The following ECE1 variants were observed in gnomAD, a reference collection of about 807,000 sequenced individuals.
The protein encoded by ECE1 is endothelin-converting enzyme 1.
Under a neutral mutation model 98.6 loss-of-function variants are expected in ECE1, and 35 were observed. That is an observed-to-expected ratio of 0.35 (90% confidence interval 0.27 to 0.47). The LOEUF (loss-of-function observed/expected upper bound fraction) is 0.47, where lower values mean the gene tolerates loss of function less well. Ranked by LOEUF, ECE1 falls within the 20% of genes least tolerant of loss-of-function variation. The probability of loss-of-function intolerance (pLI) is 1.00; values close to 1 mark genes in which losing one functional copy is unlikely to be tolerated. For missense variants in ECE1, 814 were observed against 1,025.3 expected, an observed-to-expected ratio of 0.79 and a Z score of 2.81; for synonymous variants, 394 against 407.1, an observed-to-expected ratio of 0.97 and a Z score of 0.39.
At chr1:21,293,893 A>G (rs939160013), upstream of ECE1, 11 of 152,274 alleles carry the variant, frequency 7.2e-5, no homozygotes, top group African/African-American at 2.7e-4. Flanking sequence ...CAGACCAAAA[A>G]CCAACCATGC....
intron 1 of ECE1, among the ~76,000 whole-genome samples, chr1:21,342,186 C>T (rs1348894642): frequency 6.6e-6 from 1 of 152,154 alleles, no homozygotes; most frequent in Non-Finnish European, 1.5e-5. Context: ...CTCAACTCAG[C>T]CCCAGCTTGG....
chr1:21,233,328 C>T lies in ECE1; in HGVS notation c.1670+230G>A. 4.0e-6 allele frequency: 2 copies of T among 495,322 alleles called. No individual in the cohort carries two copies. Among genetic ancestry groups the T allele is most frequent in the South Asian group, 2.2e-5 (1 of 44,558 alleles). 30.7% of individuals were successfully genotyped at this position (495,322 alleles called of 1,614,324 possible). A position where few individuals can be genotyped will look rare whatever the true frequency, so the allele number is the denominator to read the frequency against. ...CGCTCCAGAGGCCAGGCTCACCCTGCCAACAGGCTGGGCAGGCTCAAGCCC... is the reference window on the plus strand; with the variant it reads ...CGCTCCAGAGGCCAGGCTCACCCTGTCAACAGGCTGGGCAGGCTCAAGCCC... On this transcript the variant is annotated intron_variant, in intron 14 of 18. Transcript: ENST00000374893. This position sits in a 1 kb window ranked among gnomAD's most constrained non-coding sequence, Gnocchi z 4.0.
chr1:21,279,060 C>A, intron 3 of ECE1, 131 bp downstream of exon 3: 2 of 1,501,778 alleles, frequency 1.3e-6, no homozygotes, highest in Non-Finnish European at 9.1e-7. Flanking sequence ...CACCCAGACC[C>A]CCCTGGGCCT....
At position 21,256,085 on chromosome 1, in the gene ECE1, G is replaced by C. The variant is rs776334883; in HGVS notation, c.882C>G (p.Gly294=). 6.2e-7 allele frequency: 1 copy of C among 1,609,740 alleles called. No individual in the cohort carries two copies. The highest frequency in any genetic ancestry group is 1.1e-5 in the South Asian group (1 of 91,006). Residue 294 remains glycine (G), a synonymous_variant, in exon 8 of 19, where the codon GGC becomes GGG. Coordinates refer to ENST00000374893, the MANE Select transcript of ECE1 (RefSeq NM_001397.3). ...YMVQLGKLLG[G]GDEEAIRPQM... ...GGGGCCGGATGGCCTCCTCGTCCCCGCCGCCCAGCAGCTTCCCCAGCTGGA... is the reference window on the plus strand; with the variant it reads ...GGGGCCGGATGGCCTCCTCGTCCCCCCCGCCCAGCAGCTTCCCCAGCTGGA...
chr1:21,272,987 G>T, intron 3 of ECE1, 76 bp from the exon 4 acceptor site: 1 of 1,529,068 alleles, frequency 6.5e-7, no homozygotes, highest in East Asian at 2.3e-5. Context: ...GGGGGCTTGG[G>T]GCCCAGGGGC....
intron 14 of ECE1, among the ~76,000 whole-genome samples, chr1:21,229,151 T>C (rs1007446391): frequency 9.9e-5 from 15 of 152,122 alleles, no homozygotes; most frequent in African/African-American, 3.4e-4. Context: ...AATGATTAAT[T>C]TCATTACATC....
Position 21,258,943 on chromosome 1 carries a change from C to A in ECE1, c.616-104G>T. The A allele has an allele frequency of 6.7e-7, 1 of 1,482,900 alleles. No homozygotes were observed. The highest frequency in any genetic ancestry group is 2.4e-5 in the East Asian group (1 of 41,446). The allele number at this position is 1,482,900 out of a possible 1,614,324, so 91.9% of individuals were successfully genotyped here. On this transcript the variant is annotated intron_variant, in intron 5 of 18. Coordinates refer to ENST00000374893, the MANE Select transcript of ECE1 (RefSeq NM_001397.3). This position sits in a 1 kb window ranked among gnomAD's most constrained non-coding sequence, Gnocchi z 4.2. ...TTGCTCTGTGACCCTGGAGCAGTCGCCTGACCTCTCTGAGCCTCAAGAGCA... is the reference window on the plus strand; with the variant it reads ...TTGCTCTGTGACCCTGGAGCAGTCGACTGACCTCTCTGAGCCTCAAGAGCA...
chr1:21,268,983 G>A (rs1225843903), intron 4 of ECE1, among the ~76,000 whole-genome samples: 2 of 152,258 alleles, frequency 1.3e-5, no homozygotes, highest in Non-Finnish European at 2.9e-5. Context: ...CCCCTAGTCA[G>A]TATGACATGG....
chr1:21,249,522 C>A (rs890059689), intron 8 of ECE1, among the ~76,000 whole-genome samples: 3 of 132,130 alleles, frequency 2.3e-5, no homozygotes, highest in Non-Finnish European at 5.0e-5. Context: ...ATGGTGACAC[C>A]CCATCTTTAC....
At chr1:21,285,539 C>T (rs974474478) in intron 2 of ECE1, among the ~76,000 whole-genome samples, 1 of 152,044 alleles carries the variant, frequency 6.6e-6, no homozygotes, top group Admixed American at 6.6e-5. Context: ...GGAAAGACAG[C>T]TTTGGCCAGG....
chr1:21,302,643 T>C (rs1183381417), intron 1 of ECE1, among the ~76,000 whole-genome samples: 1 of 152,078 alleles, frequency 6.6e-6, no homozygotes, highest in African/African-American at 2.4e-5. Flanking sequence ...CCCAACCCCC[T>C]GCCCTGAGGA....
intron 4 of ECE1, among the ~76,000 whole-genome samples, chr1:21,262,716 C>T (rs2098228648): frequency 6.6e-6 from 1 of 152,222 alleles, no homozygotes; most frequent in South Asian, 2.1e-4. Context: ...TCTGCAAGCC[C>T]CAAATTATCA....
rs755634646 is a variant in ECE1 at position 21,272,720 on chromosome 1, C to T, written c.472G>A (p.Ala158Thr). The T allele has an allele frequency of 1.2e-6, 2 of 1,614,238 alleles. No individual in the cohort carries two copies. Among genetic ancestry groups the T allele is most frequent in the Non-Finnish European group, 1.7e-6 (2 of 1,180,034 alleles). ...TTACCGAGGAGGTGCTTGATGATTG[C>T]TTGGTTGTGTTCCCAGAGGTTGCTG... ...TFSNLWEHNQ[A>T]IIKHLLENST... Residue 158 changes from alanine (A) to threonine (T), a missense_variant, in exon 4 of 19, where the codon GCA (alanine) becomes ACA (threonine). Transcript: ENST00000374893.
rs141318337 is a variant in ECE1 at position 21,279,821 on chromosome 1, C to T, written c.139-489G>A. The stretch of plus-strand genomic sequence containing the variant: ...ACCCTCATAATCCCACGCAAAAACA[C>T]GCGAGCCACCTTGTTATTTTTCTTT... On this transcript the variant is annotated intron_variant, in intron 2 of 18. Transcript: ENST00000374893. The T allele has an allele frequency of 2.4e-4, 155 of 643,750 alleles. No homozygotes were observed. In the African/African-American group the frequency reaches 2.7e-3, roughly 11 times the overall value. The allele number at this position is 643,750 out of a possible 1,614,324, so 39.9% of individuals were successfully genotyped here.
Position 21,314,515 on chromosome 1 carries a change from T to C in ECE1, c.4-24359A>G, listed in dbSNP as rs140514284. Reference sequence around the variant, plus strand: ...CCCAGCCCTGGTGACAGGGACACAGTGGGGCTTCTGACAGAACCTACTAGG... The same window carrying C: ...CCCAGCCCTGGTGACAGGGACACAGCGGGGCTTCTGACAGAACCTACTAGG... On this transcript the variant is annotated intron_variant, in intron 1 of 18. Coordinates refer to the ECE1 transcript ENST00000415912. 5.1e-3 allele frequency among the ~76,000 whole-genome samples: 775 copies of C among 152,372 alleles called. 7 individuals are homozygous for C. Among genetic ancestry groups the C allele is most frequent in the African/African-American group, 0.017 (709 of 41,596 alleles).
At chr1:21,309,482 T>C (rs1638669647) in intron 1 of ECE1, among the ~76,000 whole-genome samples, 3 of 152,158 alleles carry the variant, frequency 2.0e-5, no homozygotes, top group African/African-American at 7.2e-5. Context: ...GCTGGCTTGG[T>C]TGGGTGAATG....
chr1:21,223,313 G>T (rs1324133479), intron 17 of ECE1, among the ~76,000 whole-genome samples: 2 of 149,198 alleles, frequency 1.3e-5, no homozygotes, highest in Non-Finnish European at 3.0e-5. Context: ...TTTTGAAACA[G>T]AGTCTCGCTC....
intron 10 of ECE1, among the ~76,000 whole-genome samples, chr1:21,242,481 G>A (rs1021602556): frequency 6.6e-6 from 1 of 152,216 alleles, no homozygotes; most frequent in Non-Finnish European, 1.5e-5. Flanking sequence ...CACACAGCTA[G>A]GAGGTGGCTT....
intron 1 of ECE1, among the ~76,000 whole-genome samples, chr1:21,342,147 A>C (rs553027028): frequency 1.3e-5 from 2 of 152,308 alleles, no homozygotes; most frequent in East Asian, 3.9e-4. Context: ...GCTGTATAGT[A>C]AAGAGCATTC....
Sources: gnomAD v4.1 joint callset for allele counts (sites outside exome capture counted in the v4.1 genomes callset) on GRCh38, gnomAD v4.1.1 for gene constraint, Gnocchi (gnomAD v3.1) non-coding constraint, MANE v1.5 for transcripts, NCBI Gene and HGNC (gene_info 2026-07-23, HGNC 2026-07-21) for gene names.